Variants in IGSF9 observed in about 807,000 individuals in gnomAD.
The protein encoded by IGSF9 is protein turtle homolog A.
Under a neutral mutation model 121.7 loss-of-function variants are expected in IGSF9, and 87 were observed. That is an observed-to-expected ratio of 0.71 (90% confidence interval 0.60 to 0.85). IGSF9 has a LOEUF of 0.85. Among genes scored for constraint, IGSF9 ranks in the 40% least tolerant of loss-of-function variants. The pLI, the probability that IGSF9 is intolerant of heterozygous loss-of-function variation, is 0.00. For synonymous variants in IGSF9, 640 were observed against 648.4 expected (o/e 0.99, Z 0.20); for missense variants, 1,462 against 1,565.3 (o/e 0.93, Z 1.11).
intron 9 of IGSF9, 63 bp downstream of exon 9, chr1:159,934,127 C>A: frequency 6.5e-7 from 1 of 1,548,794 alleles, no homozygotes; most frequent in East Asian, 2.4e-5. Context: ...CTAACTCCAC[C>A]CTGCTGTCCT....
In IGSF9 at chr1:159,932,927, C is replaced by T. The variant is rs1390770920; in HGVS notation, c.1105-275G>A. ...AATGGCCACCCCTGTAGTTGGGCCG[C>T]GTGGGGCTTCCTGCCTGCTGGGACT... On this transcript the variant is annotated intron_variant, in intron 9 of 20. Coordinates refer to ENST00000368094, the MANE Select transcript of IGSF9 (RefSeq NM_001135050.2). This position sits in a 1 kb window ranked among gnomAD's most constrained non-coding sequence, Gnocchi z 4.1. The T allele has an allele frequency of 9.1e-6, 3 of 328,288 alleles. No homozygotes were observed. The highest frequency in any genetic ancestry group is 4.3e-5 in the African/African-American group (2 of 46,348). 20.3% of individuals were successfully genotyped at this position (328,288 alleles called of 1,614,324 possible).
Position 159,932,262 on chromosome 1 carries a change from T to TCC in IGSF9, c.1245+249_1245+250insGG, listed in dbSNP as rs1651025952. ...AGGGAGGCAGCACGGTCAAGGTTAG[T>TCC]GAGAGTTGGGGCAAACAGGATATCT... On this transcript the variant is annotated intron_variant, in intron 10 of 20. Coordinates refer to ENST00000368094, the MANE Select transcript of IGSF9 (RefSeq NM_001135050.2). The surrounding 1 kb of genome is among the most constrained non-coding windows in gnomAD (Gnocchi z 4.1). 1 of 584,130 alleles carries TCC rather than the reference T, an allele frequency of 1.7e-6. No individual in the cohort carries two copies. Among genetic ancestry groups the TCC allele is most frequent in the African/African-American group, 1.9e-5 (1 of 53,094 alleles). The allele number at this position is 584,130 out of a possible 1,614,324, so 36.2% of individuals were successfully genotyped here.
chr1:159,936,784 C>A lies in IGSF9; in HGVS notation c.525G>T (p.Lys175Asn), dbSNP rs772930307. The part of the protein sequence containing the change: ...LPHVTWKLRG[K>N]DLGQGQGQVQ... ...CCTGGCCCTGGCCCTGGCCAAGGTC[C>A]TTTCCTCGGAGCTTCCACGTCACAT... The change falls in exon 5 of 21, where the codon AAG becomes AAT. Residue 175 changes from lysine (K) to asparagine (N), a missense_variant. This residue lies in a region of IGSF9 where 558 missense variants were observed against 599.4 expected (regional missense o/e 0.93). Transcript: ENST00000368094. 1 of 1,614,242 alleles carries A rather than the reference C, an allele frequency of 6.2e-7. No homozygotes were observed.
rs761705410 is a variant in IGSF9 at position 159,942,933 on chromosome 1, C to T, written c.247+30G>A. 12 of 1,598,516 alleles carry T rather than the reference C, an allele frequency of 7.5e-6. No homozygotes were observed. The Admixed American group carries it at 1.7e-4, about 23-fold the overall frequency. On this transcript the variant is annotated intron_variant, in intron 3 of 20. Coordinates refer to ENST00000368094, the MANE Select transcript of IGSF9 (RefSeq NM_001135050.2). ...CAGCCCACCTTTCTTGCTGATACCTCCCTACCTCCCACCTGAGGAGAACTC... is the reference window on the plus strand; with the variant it reads ...CAGCCCACCTTTCTTGCTGATACCTTCCTACCTCCCACCTGAGGAGAACTC...
chr1:159,927,907 GACAA>G lies in IGSF9; in HGVS notation c.3231-24_3231-21del, dbSNP rs760368346. On this transcript the variant is annotated intron_variant, in intron 19 of 20. Coordinates refer to ENST00000368094, the MANE Select transcript of IGSF9 (RefSeq NM_001135050.2). Reference sequence around the variant, plus strand: ...TTCCTCCTGTAAAAAAAAAAAAAAAGACAAACATATGGTGTGGGTGGAGGAATAG... The same window carrying G: ...TTCCTCCTGTAAAAAAAAAAAAAAAGACATATGGTGTGGGTGGAGGAATAG... 19 of 1,439,568 alleles carry G rather than the reference GACAA, an allele frequency of 1.3e-5. No individual in the cohort carries two copies. The South Asian group carries it at 1.9e-4, about 14-fold the overall frequency. 89.2% of individuals were successfully genotyped at this position (1,439,568 alleles called of 1,614,324 possible). A position where few individuals can be genotyped will look rare whatever the true frequency, so the allele number is the denominator to read the frequency against.
chr1:159,941,185 G>A lies in IGSF9; in HGVS notation c.247+1778C>T, dbSNP rs60365714. Among the ~76,000 whole-genome samples the A allele has an allele frequency of 1.8e-4, 27 of 152,202 alleles. No individual in the cohort carries two copies. In the East Asian group the frequency reaches 5.0e-3, roughly 28 times the overall value. On this transcript the variant is annotated intron_variant, in intron 3 of 20. Coordinates refer to ENST00000368094, the MANE Select transcript of IGSF9 (RefSeq NM_001135050.2). ...ATCCAACAGTCTCTCTCAGGGTTCCGCACACATTCTAGGCCACCAGCCCCA... is the reference window on the plus strand; with the variant it reads ...ATCCAACAGTCTCTCTCAGGGTTCCACACACATTCTAGGCCACCAGCCCCA...
At chr1:159,929,253 C>T (rs977200412) in intron 18 of IGSF9, 98 bp downstream of exon 18, 3 of 1,474,718 alleles carry the variant, frequency 2.0e-6, no homozygotes, top group Non-Finnish European at 2.8e-6. Context: ...CTCCCCAACA[C>T]CCAACATCCC....
At chr1:159,945,264 C>A (rs1043922576) in intron 1 of IGSF9, among the ~76,000 whole-genome samples, 3 of 151,590 alleles carry the variant, frequency 2.0e-5, no homozygotes, top group Non-Finnish European at 4.4e-5. Flanking sequence ...CCTGCATCAG[C>A]CCACAATACA....
At position 159,934,796 on chromosome 1, in the gene IGSF9, T is replaced by TG; in HGVS notation, c.699dup (p.Lys234GlnfsTer18). On this transcript the variant is annotated frameshift_variant, in exon 7 of 21. Transcript: ENST00000368094. LOFTEE classifies it high-confidence loss of function. ...TGGGAGGCATTGACTGTGCTGTTCT[T>TG]GGGGGGCACCACGATGACTGGGGGT... 6.2e-7 allele frequency: 1 copy of TG among 1,614,046 alleles called. No homozygotes were observed. Among genetic ancestry groups the TG allele is most frequent in the Non-Finnish European group, 8.5e-7 (1 of 1,179,982 alleles).
intron 14 of IGSF9, 42 bp downstream of exon 14, chr1:159,930,650 C>T (rs753103892): frequency 1.9e-6 from 3 of 1,611,590 alleles, no homozygotes; most frequent in East Asian, 2.2e-5. Flanking sequence ...GCAGCCCTTC[C>T]CCATCCTTGT....
chr1:159,936,970 AG>A (rs1651213705), intron 4 of IGSF9, 62 bp from the exon 5 acceptor site: 1 of 1,546,158 alleles, frequency 6.5e-7, no homozygotes. Flanking sequence ...GCAGTGTCCA[AG>A]GGCCAGGGAG....
chr1:159,928,268 G>A lies in IGSF9; in HGVS notation c.3120C>T (p.Ala1040=). The A allele has an allele frequency of 6.2e-7, 1 of 1,613,162 alleles. No individual in the cohort carries two copies. Among genetic ancestry groups the A allele is most frequent in the East Asian group, 2.2e-5 (1 of 44,878 alleles). The change falls in exon 19 of 21, where the codon GCC becomes GCT. Residue 1040 remains alanine (A), a synonymous_variant. Transcript: ENST00000368094. ...SASFLRPPST[A]PSAGGSYLSP... ...TGAGGTAGCTGCCTCCTGCAGAGGG[G>A]GCTGTGGAGGGGGGCCGCAGGAACG...
intron 3 of IGSF9, among the ~76,000 whole-genome samples, chr1:159,939,993 T>C (rs1352320719): frequency 6.6e-6 from 1 of 152,196 alleles, no homozygotes; most frequent in Non-Finnish European, 1.5e-5. Flanking sequence ...ATACTTTTCA[T>C]TATAGCTCTA....
intron 19 of IGSF9, 96 bp downstream of exon 19, chr1:159,928,062 G>C (rs1311898777): frequency 6.7e-7 from 1 of 1,503,514 alleles, no homozygotes; most frequent in Non-Finnish European, 8.9e-7. Context: ...TCCCAGGGTG[G>C]GAGTGGAGCA....
At chr1:159,929,616 G>A (rs749233475) in intron 17 of IGSF9, 22 bp downstream of exon 17, 2 of 1,586,324 alleles carry the variant, frequency 1.3e-6, no homozygotes, top group African/African-American at 2.7e-5. Context: ...GCAGTAGCAG[G>A]GCTGAGGGTG....
At position 159,932,381 on chromosome 1, in the gene IGSF9, C is replaced by T; in HGVS notation, c.1245+131G>A. ...CATCAGGCAGCTGCTGCCGTGGCCA[C>T]CATGGGAAACAAACTTGGAAACCCC... On this transcript the variant is annotated intron_variant, in intron 10 of 20. Coordinates refer to ENST00000368094, the MANE Select transcript of IGSF9 (RefSeq NM_001135050.2). This position sits in a 1 kb window ranked among gnomAD's most constrained non-coding sequence, Gnocchi z 4.1. 9.7e-7 allele frequency: 1 copy of T among 1,029,992 alleles called. No individual in the cohort carries two copies. Among genetic ancestry groups the T allele is most frequent in the Non-Finnish European group, 1.4e-6 (1 of 702,060 alleles). The allele number at this position is 1,029,992 out of a possible 1,614,324, so 63.8% of individuals were successfully genotyped here.
rs947369462 is a variant in IGSF9, at chr1:159,937,842, G to A, written c.248-4C>T. 16 of 1,612,868 alleles carry A rather than the reference G, an allele frequency of 9.9e-6. No individual in the cohort carries two copies. In the East Asian group the frequency reaches 3.3e-4, roughly 34 times the overall value. ...CCCTTCTGCAGCCGGACTCGTCCTG[G>A]GGGAGGAGCCCTGAATCAAGGGTGC... On this transcript the variant is annotated splice_region_variant and splice_polypyrimidine_tract_variant and intron_variant, in intron 3 of 20. Transcript: ENST00000368094.
At chr1:159,930,537 T>G (rs1650957102) in intron 14 of IGSF9, 98 bp from the exon 15 acceptor site, 2 of 1,520,770 alleles carry the variant, frequency 1.3e-6, no homozygotes, top group Admixed American at 2.2e-5. Flanking sequence ...CCAGAACCCC[T>G]GAAGACAAGC....
chr1:159,932,857 G>A lies in IGSF9; in HGVS notation c.1105-205C>T. The A allele has an allele frequency of 1.8e-6, 1 of 544,750 alleles. No individual in the cohort carries two copies. Among genetic ancestry groups the A allele is most frequent in the Non-Finnish European group, 3.2e-6 (1 of 313,130 alleles). The allele number at this position is 544,750 out of a possible 1,614,324, so 33.7% of individuals were successfully genotyped here. A position where few individuals can be genotyped will look rare whatever the true frequency, so the allele number is the denominator to read the frequency against. ...ACCCCTCCCAATAGTGTGAGGCTGT[G>A]ACTGCACAACTCCAGGGGGTGCCAC... On this transcript the variant is annotated intron_variant, in intron 9 of 20. Transcript: ENST00000368094. The surrounding 1 kb of genome is among the most constrained non-coding windows in gnomAD (Gnocchi z 4.1).
Sources: gnomAD v4.1 joint callset for allele counts (sites outside exome capture counted in the v4.1 genomes callset) on GRCh38, gnomAD v4.1.1 for gene constraint, gnomAD v4.1.1 regional missense constraint, Gnocchi (gnomAD v3.1) non-coding constraint, MANE v1.5 for transcripts, NCBI Gene and HGNC (gene_info 2026-07-23, HGNC 2026-07-21) for gene names.